The following HLCS variants were observed in gnomAD, a reference collection of about 807,000 sequenced individuals.
The protein encoded by HLCS is holocarboxylase synthetase, also known as biotin--protein ligase.
A neutral mutation model predicts 75.0 loss-of-function variants in HLCS; 53 were observed. That is an observed-to-expected ratio of 0.71 (90% CI 0.57 to 0.89). HLCS has a LOEUF of 0.89. Ranked by LOEUF, HLCS falls within the 40% of genes least tolerant of loss-of-function variation. HLCS has a pLI of 0.00. For missense variants in HLCS, 966 were observed against 1,074.0 expected, an observed-to-expected ratio of 0.90 and a Z score of 1.41; for synonymous variants, 431 against 428.6, an observed-to-expected ratio of 1.01 and a Z score of -0.07.
chr21:36,835,928 C>G (rs2062395491), intron 6 of HLCS, among the ~76,000 whole-genome samples: 1 of 151,918 alleles, frequency 6.6e-6, no homozygotes, highest in Admixed American at 6.6e-5. Flanking sequence ...AAAATCAAAC[C>G]AGGAGTCCCC....
chr21:36,971,008 A>G (rs2068773788), upstream of HLCS, among the ~76,000 whole-genome samples: 1 of 51,124 alleles, frequency 2.0e-5, no homozygotes, highest in South Asian at 1.1e-3. Flanking sequence ...AAAAAAAAAG[A>G]AAGAAAAGAA....
rs1357544858 is a variant in HLCS, at chr21:36,942,831, GA to G, written c.331-3838del. On this transcript the variant is annotated intron_variant, in intron 2 of 10. Coordinates refer to ENST00000674895, the MANE Select transcript of HLCS (RefSeq NM_001352514.2). The stretch of plus-strand genomic sequence containing the variant: ...TGTAGTCCCAGCTACTAGGGAGGCT[GA>G]GGCAGGAGAATGGCGTGAACCCCGG... 2.0e-5 allele frequency among the ~76,000 whole-genome samples: 3 copies of G among 152,032 alleles called. No individual in the cohort carries two copies. The East Asian group carries it at 5.8e-4, about 29-fold the overall frequency.
rs564466958 is a variant in HLCS, at chr21:36,750,112, C to T, written c.*4134G>A. On this transcript the variant is annotated 3_prime_UTR_variant, in exon 11 of 11. Transcript: ENST00000674895. The stretch of plus-strand genomic sequence containing the variant: ...TACTGTGGCAACCTAATATTGTGAC[C>T]TCCATCTTGAAGAGTCTGCACATTT... 6.6e-6 allele frequency among the ~76,000 whole-genome samples: 1 copy of T among 152,316 alleles called. No homozygotes were observed. The highest frequency in any genetic ancestry group is 2.1e-4 in the South Asian group (1 of 4,818).
At chr21:36,885,549 A>G (rs1003931596) in intron 6 of HLCS, among the ~76,000 whole-genome samples, 9 of 152,044 alleles carry the variant, frequency 5.9e-5, no homozygotes, top group Non-Finnish European at 1.0e-4. Context: ...AGTCCTGAAC[A>G]CAGACCACAC....
intron 6 of HLCS, among the ~76,000 whole-genome samples, chr21:36,868,006 G>T (rs2063617647): frequency 1.3e-5 from 2 of 151,792 alleles, no homozygotes; most frequent in East Asian, 3.9e-4. Context: ...ACAAAAATTA[G>T]CCAGGTGTGG....
chr21:36,784,483 T>G (rs182728562), intron 6 of HLCS, among the ~76,000 whole-genome samples: 1 of 152,138 alleles, frequency 6.6e-6, no homozygotes, highest in East Asian at 1.9e-4. Context: ...GCTTGGCTAA[T>G]TTTTGTATTT....
chr21:36,917,675 C>T (rs1344424754), intron 5 of HLCS, among the ~76,000 whole-genome samples: 1 of 152,056 alleles, frequency 6.6e-6, no homozygotes, highest in Non-Finnish European at 1.5e-5. Flanking sequence ...GGTAGCTTAA[C>T]AAAATTTACT....
chr21:36,934,891 C>A (rs2146515882), intron 4 of HLCS, among the ~76,000 whole-genome samples: 1 of 152,284 alleles, frequency 6.6e-6, no homozygotes, highest in Non-Finnish European at 1.5e-5. Flanking sequence ...GACTGGAAGT[C>A]ATTTAAAATC....
At chr21:36,804,281 C>A (rs943659538) in intron 6 of HLCS, 1 of 152,436 alleles carries the variant, frequency 6.6e-6, no homozygotes, top group Non-Finnish European at 1.5e-5. Context: ...AAGTTACACT[C>A]TGCCTCACTG....
intron 5 of HLCS, among the ~76,000 whole-genome samples, chr21:36,916,266 C>T (rs1247062257): frequency 1.3e-5 from 2 of 152,166 alleles, no homozygotes; most frequent in Non-Finnish European, 2.9e-5. Flanking sequence ...TTTCCTAGAT[C>T]AGAGGGGTAG....
intron 5 of HLCS, among the ~76,000 whole-genome samples, chr21:36,916,518 A>ATTT (rs57613865): frequency 1.9e-4 from 18 of 93,044 alleles, no homozygotes; most frequent in African/African-American, 3.4e-4. Context: ...TGCCTAGCTA[A>ATTT]TTTTTTTTTT....
intron 6 of HLCS, among the ~76,000 whole-genome samples, chr21:36,791,200 C>A (rs1461763313): frequency 6.6e-6 from 1 of 152,090 alleles, no homozygotes; most frequent in African/African-American, 2.4e-5. Context: ...AAATACATAC[C>A]AAGTAGCAAG....
intron 3 of HLCS, among the ~76,000 whole-genome samples, chr21:36,938,146 G>A (rs1436473632): frequency 1.3e-5 from 2 of 152,160 alleles, no homozygotes; most frequent in Admixed American, 1.3e-4. Flanking sequence ...TATATTTTAA[G>A]TAAAAAGCGG....
In HLCS at chr21:36,749,487, T is replaced by G. The variant is rs1214761458; in HGVS notation, c.*4759A>C. On this transcript the variant is annotated 3_prime_UTR_variant, in exon 11 of 11. Transcript: ENST00000674895. The stretch of plus-strand genomic sequence containing the variant: ...TTTTTGCCAACCCTGTGTCACTTAG[T>G]GAGGACCTGACACAATCCCTACAGG... 6.7e-6 allele frequency: 1 copy of G among 150,340 alleles called. No homozygotes were observed. Among genetic ancestry groups the G allele is most frequent in the Admixed American group, 6.6e-5 (1 of 15,090 alleles). 9.3% of individuals were successfully genotyped at this position (150,340 alleles called of 1,614,324 possible).
At chr21:36,879,644 T>C (rs2064126394) in intron 6 of HLCS, among the ~76,000 whole-genome samples, 1 of 152,020 alleles carries the variant, frequency 6.6e-6, no homozygotes, top group Non-Finnish European at 1.5e-5. Flanking sequence ...TTATAAGAGC[T>C]CAACAGACCA....
intron 2 of HLCS, among the ~76,000 whole-genome samples, chr21:36,956,104 A>G (rs2067928881): frequency 6.6e-6 from 1 of 152,212 alleles, no homozygotes. Flanking sequence ...GTCGTGAAGC[A>G]ACACATTAAC....
intron 2 of HLCS, among the ~76,000 whole-genome samples, chr21:36,945,030 G>C (rs1042113410): frequency 7.9e-5 from 12 of 152,102 alleles, no homozygotes; most frequent in Non-Finnish European, 1.6e-4. Flanking sequence ...TGAGGCAGGA[G>C]AATGGCGTGA....
intron 6 of HLCS, among the ~76,000 whole-genome samples, chr21:36,856,085 G>T (rs2063182845): frequency 6.6e-6 from 1 of 152,174 alleles, no homozygotes; most frequent in Admixed American, 6.5e-5. Context: ...GGGAAGGGGA[G>T]TGACTGCTAA....
chr21:36,847,759 C>T (rs1357969092), intron 6 of HLCS, among the ~76,000 whole-genome samples: 1 of 152,144 alleles, frequency 6.6e-6, no homozygotes, highest in Non-Finnish European at 1.5e-5. Flanking sequence ...TTTACAACAG[C>T]AATACATATA....
Sources: allele counts gnomAD v4.1 joint callset (sites outside exome capture counted in the v4.1 genomes callset), GRCh38; gene constraint gnomAD v4.1.1; transcripts MANE v1.5; gene names NCBI Gene and HGNC (gene_info 2026-07-23, HGNC 2026-07-21).